SPATA31C2: variants seen among roughly 807,000 people sequenced by gnomAD.
The protein encoded by SPATA31C2 is spermatogenesis-associated protein 31C2.
Under a neutral mutation model 11.4 loss-of-function variants are expected in SPATA31C2, and 5 were observed. That is an observed-to-expected ratio of 0.44 (90% CI 0.23 to 0.92). The LOEUF (loss-of-function observed/expected upper bound fraction) is 0.92, where lower values mean the gene tolerates loss of function less well. SPATA31C2 is among the 40% of genes least tolerant of loss of function. The pLI, the probability that SPATA31C2 is intolerant of heterozygous loss-of-function variation, is 0.24. For missense variants in SPATA31C2, 1,353 were observed against 1,368.6 expected (o/e 0.99, Z 0.18); for synonymous variants, 515 against 538.7 (o/e 0.96, Z 0.61).
intron 1 of SPATA31C2, among the ~76,000 whole-genome samples, chr9:88,137,949 C>CCCCGTCTCATGACCAGAGACCTCT (rs1825701874): frequency 8.9e-6 from 1 of 112,380 alleles, no homozygotes; most frequent in East Asian, 3.1e-4. Flanking sequence ...CAGAGACCTC[C>CCCCGTCTCATGACCAGAGACCTCT]CCCGTCTCAT....
chr9:88,135,513 A>AT (rs1179280719), intron 1 of SPATA31C2, among the ~76,000 whole-genome samples: 28 of 119,292 alleles, frequency 2.3e-4, no homozygotes, highest in East Asian at 1.1e-3. Flanking sequence ...CTTTTTTTTT[A>AT]TTTTTTTTAT....
rs373511115 is a variant in SPATA31C2 at position 88,132,205 on chromosome 9, C to T, written c.832G>A (p.Gly278Ser). Residue 278 changes from glycine (G) to serine (S), a missense_variant, in exon 4 of 4, where the codon GGC becomes AGC. Gly to Ser is a moderately conservative substitution (Grantham distance 56). Coordinates refer to ENST00000324915, the MANE Select transcript of SPATA31C2 (RefSeq NM_001350978.3). ...ASVPGISGLG[G>S]SNSQVSALSW... ...AGGGCAGAAACTTGACTGTTTGAGC[C>T]GCCAAGGCCTGAGATGCCTGGGACA... The T allele has an allele frequency of 1.2e-5, 19 of 1,610,646 alleles. No individual in the cohort carries two copies. The highest frequency in any genetic ancestry group is 6.7e-5 in the East Asian group (3 of 44,684).
Position 88,137,573 on chromosome 9 carries a change from G to A in SPATA31C2, c.189+685C>T, listed in dbSNP as rs1288858552. On this transcript the variant is annotated intron_variant, in intron 1 of 3. Transcript: ENST00000324915. Reference sequence around the variant, plus strand: ...TGGAAGCAAAGGTGGCACTGAGCCGGTATCGCTCCATTTCACTGCAGCCTG... The same window carrying A: ...TGGAAGCAAAGGTGGCACTGAGCCGATATCGCTCCATTTCACTGCAGCCTG... Among the ~76,000 whole-genome samples, 8 of 135,798 alleles carry A rather than the reference G, an allele frequency of 5.9e-5. 1 individual carries two copies. Among genetic ancestry groups the A allele is most frequent in the African/African-American group, 2.2e-4 (8 of 36,484 alleles). 89.1% of individuals were successfully genotyped at this position (135,798 alleles called of 152,430 possible). A position where few individuals can be genotyped will look rare whatever the true frequency, so the allele number is the denominator to read the frequency against.
In SPATA31C2 at chr9:88,130,957, C is replaced by T. The variant is rs866082980; in HGVS notation, c.2080G>A (p.Glu694Lys). 56 of 1,613,110 alleles carry T rather than the reference C, an allele frequency of 3.5e-5. No individual in the cohort carries two copies. The highest frequency in any genetic ancestry group is 1.7e-4 in the African/African-American group (13 of 75,006). ...QLAGPSSDTC[E>K]SGAGSKVEVA... ...TCAACTTTTGAGCCAGCCCCAGATTCGCAGGTGTCTGAGGAGGGACCAGCA... is the reference window on the plus strand; with the variant it reads ...TCAACTTTTGAGCCAGCCCCAGATTTGCAGGTGTCTGAGGAGGGACCAGCA... Residue 694 changes from glutamate (E) to lysine (K), a missense_variant, in exon 4 of 4, where the codon GAA (glutamate) becomes AAA (lysine). By Grantham distance (56) the Glu-to-Lys change is moderately conservative (BLOSUM62 1). This residue lies in a region of SPATA31C2 where 1,075 missense variants were observed against 992.8 expected (regional missense o/e 1.08). Coordinates refer to ENST00000324915, the MANE Select transcript of SPATA31C2 (RefSeq NM_001350978.3).
rs372796728 is a variant in SPATA31C2 at position 88,131,272 on chromosome 9, C to T, written c.1765G>A (p.Glu589Lys). 79 of 1,611,836 alleles carry T rather than the reference C, an allele frequency of 4.9e-5. 1 individual carries two copies. The highest frequency in any genetic ancestry group is 2.3e-4 in the Admixed American group (14 of 59,994). Residue 589 changes from glutamate to lysine, a missense_variant, in exon 4 of 4, where the codon GAG (glutamate) becomes AAG (lysine). Physicochemically the swap from Glu to Lys is moderately conservative, Grantham distance 56. Around this residue, in one of 6 missense-constraint regions of SPATA31C2, gnomAD observed 1,075 missense variants for 992.8 expected, o/e 1.08. Coordinates refer to ENST00000324915, the MANE Select transcript of SPATA31C2 (RefSeq NM_001350978.3). ...HMSRKLGQTN[E>K]GLIPVSVRRS... is the part of the protein sequence containing the mutation. ...CGCACACTCACGGGGATCAAGCCCTCGTTGGTCTGGCCCAACTTTCTGCTC... is the reference window on the plus strand; with the variant it reads ...CGCACACTCACGGGGATCAAGCCCTTGTTGGTCTGGCCCAACTTTCTGCTC...
Position 88,130,807 on chromosome 9 carries a change from C to A in SPATA31C2, c.2230G>T (p.Ala744Ser). 1.2e-6 allele frequency: 2 copies of A among 1,612,940 alleles called. No individual in the cohort carries two copies. Among genetic ancestry groups the A allele is most frequent in the Non-Finnish European group, 1.7e-6 (2 of 1,179,880 alleles). ...SSPACKQFQRAPRGIPSSNDH... is the reference protein window; with the variant it reads ...SSPACKQFQRSPRGIPSSNDH... ...TTCGAAGATGGGATCCCTCGCGGGG[C>A]CCTCTGGAACTGCTTACATGCAGGT... Residue 744 changes from alanine (A) to serine (S), a missense_variant, in exon 4 of 4, where the codon GCC (alanine) becomes TCC (serine). This residue lies in a region of SPATA31C2 where 1,075 missense variants were observed against 992.8 expected (regional missense o/e 1.08). Coordinates refer to ENST00000324915, the MANE Select transcript of SPATA31C2 (RefSeq NM_001350978.3).
rs1353420684 is a variant in SPATA31C2, at chr9:88,137,397, G to C, written c.189+861C>G. ...CCCAGCACTTTGGGAGGCTGAGGCA[G>C]GTGGATCACCTGAAGTCAAGAGTTT... On this transcript the variant is annotated intron_variant, in intron 1 of 3. Transcript: ENST00000324915. Among the ~76,000 whole-genome samples the C allele has an allele frequency of 1.4e-5, 2 of 146,928 alleles. 1 individual carries two copies. The highest frequency in any genetic ancestry group is 3.0e-5 in the Non-Finnish European group (2 of 66,644).
rs555488731 is a variant in SPATA31C2, at chr9:88,131,248, G to A, written c.1789C>T (p.Arg597Cys). 4.0e-5 allele frequency: 64 copies of A among 1,611,880 alleles called. No homozygotes were observed. In the East Asian group the frequency reaches 9.4e-4, roughly 24 times the overall value. Reference sequence around the variant, plus strand: ...TGGTTGACAGCAAGCCAGGATCGACGCACACTCACGGGGATCAAGCCCTCG... The same window carrying A: ...TGGTTGACAGCAAGCCAGGATCGACACACACTCACGGGGATCAAGCCCTCG... ...TNEGLIPVSV[R>C]RSWLAVNQAF... The change falls in exon 4 of 4, where the codon CGT (arginine) becomes TGT (cysteine). Residue 597 changes from arginine (R) to cysteine (C), a missense_variant. Transcript: ENST00000324915.
rs643728 is a variant in SPATA31C2, at chr9:88,132,365, C to G, written c.672G>C (p.Pro224=). The G allele has an allele frequency of 6.2e-7, 1 of 1,610,834 alleles. No individual in the cohort carries two copies. Among genetic ancestry groups the G allele is most frequent in the Non-Finnish European group, 8.5e-7 (1 of 1,178,000 alleles). ...PRTPDPLACS[P]PPPKGFTPPP... is the part of the protein sequence containing the mutation. ...GAGGAGTGAAGCCTTTCGGAGGAGG[C>G]GGAGAGCAGGCCAGAGGATCAGGAG... Residue 224 remains proline, a synonymous_variant, in exon 4 of 4, where the codon CCG becomes CCC. Transcript: ENST00000324915.
chr9:88,131,230 C>T lies in SPATA31C2; in HGVS notation c.1807G>A (p.Val603Ile), dbSNP rs574008394. The change falls in exon 4 of 4, where the codon GTC becomes ATC. Residue 603 changes from valine (V) to isoleucine (I), a missense_variant. Val to Ile is a conservative substitution (Grantham distance 29, BLOSUM62 3). This residue lies in a region of SPATA31C2 where 1,075 missense variants were observed against 992.8 expected (regional missense o/e 1.08). Transcript: ENST00000324915. ...TTGGAGACGGGAAAAGCCTGGTTGA[C>T]AGCAAGCCAGGATCGACGCACACTC... ...PVSVRRSWLA[V>I]NQAFPVSNTH... 6.2e-7 allele frequency: 1 copy of T among 1,611,922 alleles called. No homozygotes were observed. Among genetic ancestry groups the T allele is most frequent in the East Asian group, 2.2e-5 (1 of 44,802 alleles).
chr9:88,130,319 G>T lies in SPATA31C2; in HGVS notation c.2718C>A (p.Ser906Arg). The T allele has an allele frequency of 6.2e-7, 1 of 1,609,220 alleles. No homozygotes were observed. Among genetic ancestry groups the T allele is most frequent in the Non-Finnish European group, 8.5e-7 (1 of 1,179,120 alleles). ...ASQVPQGHLQ[S>R]MPTGNMQASQ... ...AAGCCTGCATGTTCCCAGTAGGCAT[G>T]CTCTGGAGATGGCCCTGGGGCACTT... The change falls in exon 4 of 4, where the codon AGC becomes AGA. Residue 906 changes from serine (S) to arginine (R), a missense_variant. Transcript: ENST00000324915.
rs1301940177 is a variant in SPATA31C2, at chr9:88,132,303, T to C, written c.734A>G (p.His245Arg). 1.9e-6 allele frequency: 3 copies of C among 1,610,380 alleles called. No individual in the cohort carries two copies. The Admixed American group carries it at 5.0e-5, about 27-fold the overall frequency. The change falls in exon 4 of 4, where the codon CAC (histidine) becomes CGC (arginine). Residue 245 changes from histidine to arginine, a missense_variant. Physicochemically the swap from His to Arg is conservative, Grantham distance 29 (BLOSUM62 0). Coordinates refer to ENST00000324915, the MANE Select transcript of SPATA31C2 (RefSeq NM_001350978.3). ...LRDSTLLTPS[H>R]CDSVALPLDT... ...CAGTGGAAGTGCCACTGAGTCACAG[T>C]GAGATGGTGTTAACAGAGTGGAGTC...
intron 1 of SPATA31C2, among the ~76,000 whole-genome samples, chr9:88,135,942 CT>C (rs201132867): frequency 7.5e-6 from 1 of 133,532 alleles, no homozygotes; most frequent in Non-Finnish European, 1.6e-5. Flanking sequence ...TGCAGTTTTC[CT>C]TTCTTTTTGA....
At position 88,130,483 on chromosome 9, in the gene SPATA31C2, T is replaced by G. The variant is rs756323796; in HGVS notation, c.2554A>C (p.Met852Leu). The change falls in exon 4 of 4, where the codon ATG becomes CTG. Residue 852 changes from methionine (M) to leucine (L), a missense_variant. By Grantham distance (15) the Met-to-Leu change is conservative. Transcript: ENST00000324915. Reference protein sequence around the residue: ...VSQDPRKLCLMEEAVSEFEPG... With the variant: ...VSQDPRKLCLLEEAVSEFEPG... ...TCAAATTCACTAACAGCCTCCTCCATGAGACACAGCTTTCTTGGGTCTTGG... is the reference window on the plus strand; with the variant it reads ...TCAAATTCACTAACAGCCTCCTCCAGGAGACACAGCTTTCTTGGGTCTTGG... 1 of 1,613,384 alleles carries G rather than the reference T, an allele frequency of 6.2e-7. No homozygotes were observed. Among genetic ancestry groups the G allele is most frequent in the African/African-American group, 1.3e-5 (1 of 74,914 alleles).
intron 1 of SPATA31C2, among the ~76,000 whole-genome samples, chr9:88,136,605 T>C (rs1044314401): frequency 2.7e-4 from 39 of 147,160 alleles, no homozygotes; most frequent in African/African-American, 9.4e-4. Context: ...TCATGTCTAA[T>C]AATTATTCAT....
At position 88,131,196 on chromosome 9, in the gene SPATA31C2, A is replaced by T. The variant is rs1587687656; in HGVS notation, c.1841T>A (p.Val614Glu). 3 of 1,611,778 alleles carry T rather than the reference A, an allele frequency of 1.9e-6. No individual in the cohort carries two copies. The change falls in exon 4 of 4, where the codon GTG (valine) becomes GAG (glutamate). Residue 614 changes from valine to glutamate, a missense_variant. By Grantham distance (121) the Val-to-Glu change is moderately radical. Coordinates refer to ENST00000324915, the MANE Select transcript of SPATA31C2 (RefSeq NM_001350978.3). The part of the protein sequence containing the change: ...NQAFPVSNTH[V>E]KTSNLAAPKS... ...CGGGGCTGCTAGATTGCTGGTTTTC[A>T]CGTGGGTGTTGGAGACGGGAAAAGC...
At position 88,133,640 on chromosome 9, in the gene SPATA31C2, C is replaced by T. The variant is rs568682620; in HGVS notation, c.219G>A (p.Gly73=). Residue 73 remains glycine (G), a synonymous_variant, in exon 2 of 4, where the codon GGG becomes GGA. Transcript: ENST00000324915. ...KRHLVSQRPA[G]RRGRPRGRMK... ...TCCTGCCTCTGGGCCTCCCCCTCCGCCCTGCTGGACGCTGGGAGACAAGAT... is the reference window on the plus strand; with the variant it reads ...TCCTGCCTCTGGGCCTCCCCCTCCGTCCTGCTGGACGCTGGGAGACAAGAT... 5 of 1,585,246 alleles carry T rather than the reference C, an allele frequency of 3.2e-6. No individual in the cohort carries two copies. The African/African-American group carries it at 4.2e-5, about 13-fold the overall frequency.
At position 88,129,698 on chromosome 9, in the gene SPATA31C2, G is replaced by A. The variant is rs1222714873; in HGVS notation, c.3339C>T (p.Ser1113=). The part of the protein sequence containing the change: ...EHSRMLSYAA[S]SQQATLKNQS... ...GGTTCTTGAGAGTGGCTTGTTGACT[G>A]CTGGCTGCATAGCTCAGCATTCTGC... Residue 1113 remains serine, a synonymous_variant, in exon 4 of 4, where the codon AGC becomes AGT. Coordinates refer to ENST00000324915, the MANE Select transcript of SPATA31C2 (RefSeq NM_001350978.3). 1.2e-6 allele frequency: 2 copies of A among 1,603,582 alleles called. No homozygotes were observed. The highest frequency in any genetic ancestry group is 1.7e-6 in the Non-Finnish European group (2 of 1,173,384).
chr9:88,135,156 T>C (rs1467405768), intron 1 of SPATA31C2, among the ~76,000 whole-genome samples: 1 of 126,284 alleles, frequency 7.9e-6, no homozygotes, highest in East Asian at 2.5e-4. Flanking sequence ...CCCTCCCGCC[T>C]TCCAGATCCT....
Sources: gnomAD v4.1 joint callset for allele counts (sites outside exome capture counted in the v4.1 genomes callset) on GRCh38, gnomAD v4.1.1 for gene constraint, gnomAD v4.1.1 regional missense constraint, MANE v1.5 for transcripts, NCBI Gene and HGNC (gene_info 2026-07-23, HGNC 2026-07-21) for gene names.